Variants in HCAR1 observed in about 807,000 individuals in gnomAD.
HCAR1 encodes the protein G protein-coupled receptor 104.
For synonymous variants in HCAR1, 183 were observed against 182.1 expected, an observed-to-expected ratio of 1.01 and a Z score of -0.04; for missense variants, 445 against 448.7, an observed-to-expected ratio of 0.99 and a Z score of 0.07.
Position 122,726,963 on chromosome 12 carries a change from A to C in HCAR1, c.*2336T>G, listed in dbSNP as rs1227153327. 1 of 149,764 alleles carries C rather than the reference A, an allele frequency of 6.7e-6. No homozygotes were observed. The highest frequency in any genetic ancestry group is 1.5e-5 in the Non-Finnish European group (1 of 67,612). The allele number at this position is 149,764 out of a possible 1,614,324, so 9.3% of individuals were successfully genotyped here. ...TATATAGATAGATAGATATCTATATATCTCTATATATATCTATATATATGC... is the reference window on the plus strand; with the variant it reads ...TATATAGATAGATAGATATCTATATCTCTCTATATATATCTATATATATGC... On this transcript the variant is annotated 3_prime_UTR_variant, in exon 1 of 1. Transcript: ENST00000432564.
In HCAR1 at chr12:122,727,520, T is replaced by C. The variant is rs1045793301; in HGVS notation, c.*1779A>G. ...TTCACTCCTGTGGCCCAGTCTGGAG[T>C]GCAATGGCACGATGTCACCTCACCG... On this transcript the variant is annotated 3_prime_UTR_variant, in exon 1 of 1. Transcript: ENST00000432564. 1 of 151,206 alleles carries C rather than the reference T, an allele frequency of 6.6e-6. No homozygotes were observed. The highest frequency in any genetic ancestry group is 2.4e-5 in the African/African-American group (1 of 41,032). The allele number at this position is 151,206 out of a possible 1,614,324, so 9.4% of individuals were successfully genotyped here. A position where few individuals can be genotyped will look rare whatever the true frequency, so the allele number is the denominator to read the frequency against.
rs1448244653 is a variant in HCAR1 at position 122,726,762 on chromosome 12, A to G, written c.*2537T>C. 6.6e-6 allele frequency: 1 copy of G among 151,966 alleles called. No homozygotes were observed. Among genetic ancestry groups the G allele is most frequent in the African/African-American group, 2.4e-5 (1 of 41,358 alleles). The allele number at this position is 151,966 out of a possible 1,614,324, so 9.4% of individuals were successfully genotyped here. ...CCCGTCTGTACTAAAAATACAAAAA[A>G]TTAGCCGGGCGTGGTGGTGGGGCGC... On this transcript the variant is annotated 3_prime_UTR_variant, in exon 1 of 1. Coordinates refer to ENST00000432564, the MANE Select transcript of HCAR1 (RefSeq NM_032554.4).
Position 122,729,073 on chromosome 12 carries a change from G to C in HCAR1, c.*226C>G. 1.7e-6 allele frequency: 1 copy of C among 575,142 alleles called. No individual in the cohort carries two copies. Among genetic ancestry groups the C allele is most frequent in the Non-Finnish European group, 3.1e-6 (1 of 322,588 alleles). 35.6% of individuals were successfully genotyped at this position (575,142 alleles called of 1,614,324 possible). On this transcript the variant is annotated 3_prime_UTR_variant, in exon 1 of 1. Coordinates refer to ENST00000432564, the MANE Select transcript of HCAR1 (RefSeq NM_032554.4). Reference sequence around the variant, plus strand: ...TGCACATTCTGTCCCCTGCCATTGTGATCAGATAAGAAAATGCAGCCAACT... The same window carrying C: ...TGCACATTCTGTCCCCTGCCATTGTCATCAGATAAGAAAATGCAGCCAACT...
Position 122,729,228 on chromosome 12 carries a change from C to A in HCAR1, c.*71G>T, listed in dbSNP as rs878901117. On this transcript the variant is annotated 3_prime_UTR_variant, in exon 1 of 1. Transcript: ENST00000432564. ...AGAAAGGGGGGTGGCATTTTCAAAG[C>A]CCCCGACCCCTTAGCACGAGTTAAT... 3.5e-6 allele frequency: 5 copies of A among 1,444,470 alleles called. No homozygotes were observed. In the African/African-American group the frequency reaches 7.0e-5, roughly 20 times the overall value. 89.5% of individuals were successfully genotyped at this position (1,444,470 alleles called of 1,614,324 possible).
At position 122,730,307 on chromosome 12, in the gene HCAR1, C is replaced by A; in HGVS notation, c.33G>T (p.Gly11=). 1.3e-6 allele frequency: 2 copies of A among 1,592,812 alleles called. No individual in the cohort carries two copies. Among genetic ancestry groups the A allele is most frequent in the South Asian group, 1.1e-5 (1 of 89,088 alleles). MYNGSCCRIE[G]DTISQVMPPL... is the part of the protein sequence containing the mutation. ...GCGGCATCACCTGGGAGATGGTGTC[C>A]CCCTCGATGCGGCAGCACGACCCGT... The change falls in exon 1 of 1, where the codon GGG becomes GGT. Residue 11 remains glycine, a synonymous_variant. Coordinates refer to ENST00000432564, the MANE Select transcript of HCAR1 (RefSeq NM_032554.4).
In HCAR1 at chr12:122,727,017, A is replaced by G. The variant is rs777562553; in HGVS notation, c.*2282T>C. On this transcript the variant is annotated 3_prime_UTR_variant, in exon 1 of 1. Coordinates refer to ENST00000432564, the MANE Select transcript of HCAR1 (RefSeq NM_032554.4). ...GCTGGGAGCAGTGGCTCATGCTGGC[A>G]ATCGCAATACTTTGGGAGGCCAAGG... is the stretch of plus-strand genomic sequence containing the variant. 6.6e-6 allele frequency: 1 copy of G among 151,864 alleles called. No homozygotes were observed. Among genetic ancestry groups the G allele is most frequent in the Non-Finnish European group, 1.5e-5 (1 of 68,026 alleles). The allele number at this position is 151,864 out of a possible 1,614,324, so 9.4% of individuals were successfully genotyped here. A position where few individuals can be genotyped will look rare whatever the true frequency, so the allele number is the denominator to read the frequency against.
rs1335328927 is a variant in HCAR1, at chr12:122,729,776, G to A, written c.564C>T (p.Pro188=). 1.2e-6 allele frequency: 2 copies of A among 1,611,596 alleles called. No homozygotes were observed. Among genetic ancestry groups the A allele is most frequent in the South Asian group, 1.1e-5 (1 of 91,072 alleles). The change falls in exon 1 of 1, where the codon CCC becomes CCT. Residue 188 remains proline, a synonymous_variant. Coordinates refer to ENST00000432564, the MANE Select transcript of HCAR1 (RefSeq NM_032554.4). ...DIMFQLEFFM[P]LGIILFCSFK... is the part of the protein sequence containing the mutation. ...AGGAGCAAAATAAGATGATGCCGAG[G>A]GGCATAAAGAACTCCAGCTGGAACA...
chr12:122,729,253 T>C lies in HCAR1; in HGVS notation c.*46A>G. 1.3e-6 allele frequency: 2 copies of C among 1,574,050 alleles called. No individual in the cohort carries two copies. Among genetic ancestry groups the C allele is most frequent in the Non-Finnish European group, 1.7e-6 (2 of 1,153,118 alleles). ...CCCCCGACCCCTTAGCACGAGTTAA[T>C]TCTAAGTCACCACTCTATCTTCCTC... On this transcript the variant is annotated 3_prime_UTR_variant, in exon 1 of 1. Transcript: ENST00000432564.
At position 122,729,778 on chromosome 12, in the gene HCAR1, G is replaced by A. The variant is rs1408782535; in HGVS notation, c.562C>T (p.Pro188Ser). Residue 188 changes from proline (P) to serine (S), a missense_variant, in exon 1 of 1, where the codon CCC becomes TCC. Coordinates refer to ENST00000432564, the MANE Select transcript of HCAR1 (RefSeq NM_032554.4). ...GAGCAAAATAAGATGATGCCGAGGGGCATAAAGAACTCCAGCTGGAACATG... is the reference window on the plus strand; with the variant it reads ...GAGCAAAATAAGATGATGCCGAGGGACATAAAGAACTCCAGCTGGAACATG... ...DIMFQLEFFM[P>S]LGIILFCSFK... 8 of 1,611,138 alleles carry A rather than the reference G, an allele frequency of 5.0e-6. No homozygotes were observed. The highest frequency in any genetic ancestry group is 2.2e-5 in the South Asian group (2 of 91,084).
In HCAR1 at chr12:122,730,127, C is replaced by T; in HGVS notation, c.213G>A (p.Arg71=). The T allele has an allele frequency of 6.2e-7, 1 of 1,614,032 alleles. No individual in the cohort carries two copies. The highest frequency in any genetic ancestry group is 1.1e-5 in the South Asian group (1 of 91,068). ...DFLLMICLPF[R]TDYYLRRRHW... is the part of the protein sequence containing the mutation. Reference sequence around the variant, plus strand: ...GTCTACGTCTGAGGTAATAGTCTGTCCGAAAAGGCAGGCAGATCATAAGGA... The same window carrying T: ...GTCTACGTCTGAGGTAATAGTCTGTTCGAAAAGGCAGGCAGATCATAAGGA... Residue 71 remains arginine (R), a synonymous_variant, in exon 1 of 1, where the codon CGG becomes CGA. Transcript: ENST00000432564.
rs1270641726 is a variant in HCAR1, at chr12:122,729,282, G to T, written c.*17C>A. The T allele has an allele frequency of 1.2e-6, 2 of 1,607,006 alleles. No individual in the cohort carries two copies. The highest frequency in any genetic ancestry group is 8.5e-7 in the Non-Finnish European group (1 of 1,174,992). On this transcript the variant is annotated 3_prime_UTR_variant, in exon 1 of 1. Transcript: ENST00000432564. Reference sequence around the variant, plus strand: ...AAGTCACCACTCTATCTTCCTCAGTGTTGTTGGTCTGCTTGTTCAGTGCCA... The same window carrying T: ...AAGTCACCACTCTATCTTCCTCAGTTTTGTTGGTCTGCTTGTTCAGTGCCA...
Position 122,729,641 on chromosome 12 carries a change from G to T in HCAR1, c.699C>A (p.Tyr233Ter), listed in dbSNP as rs1370292081. ...AGAGTCTAGCAGACACGCTGGGCAGGTAGCATGTGATGAACACAATTGCCA... is the reference window on the plus strand; with the variant it reads ...AGAGTCTAGCAGACACGCTGGGCAGTTAGCATGTGATGAACACAATTGCCA... ...MVVAIVFITC[Y>*]LPSVSARLYF... is the part of the protein sequence containing the mutation. The change falls in exon 1 of 1, where the codon TAC becomes TAA. Residue 233 changes from tyrosine (Y) to a stop codon, truncating the protein, a stop_gained. Coordinates refer to ENST00000432564, the MANE Select transcript of HCAR1 (RefSeq NM_032554.4). LOFTEE classifies it low-confidence loss of function (END_TRUNC). The T allele has an allele frequency of 6.2e-7, 1 of 1,614,016 alleles. No homozygotes were observed. The highest frequency in any genetic ancestry group is 8.5e-7 in the Non-Finnish European group (1 of 1,180,022).
Position 122,730,108 on chromosome 12 carries a change from G to T in HCAR1, c.232C>A (p.Arg78Ser), listed in dbSNP as rs147063870. ...ATGTCCCCAAAAGCCCAGTGTCTACGTCTGAGGTAATAGTCTGTCCGAAAA... is the reference window on the plus strand; with the variant it reads ...ATGTCCCCAAAAGCCCAGTGTCTACTTCTGAGGTAATAGTCTGTCCGAAAA... ...LPFRTDYYLR[R>S]RHWAFGDIPC... Residue 78 changes from arginine to serine, a missense_variant, in exon 1 of 1, where the codon CGT becomes AGT. Physicochemically the swap from Arg to Ser is moderately radical, Grantham distance 110. Coordinates refer to ENST00000432564, the MANE Select transcript of HCAR1 (RefSeq NM_032554.4). The T allele has an allele frequency of 1.9e-4, 311 of 1,614,142 alleles. 1 individual carries two copies. The African/African-American group carries it at 3.8e-3, about 20-fold the overall frequency.
At position 122,730,429 on chromosome 12, in the gene HCAR1, A is replaced by T; in HGVS notation, c.-90T>A. On this transcript the variant is annotated 5_prime_UTR_variant, in exon 1 of 1. Transcript: ENST00000432564. ...CTTATCTGAGCGTTAGCACTCACCC[A>T]GCTGCTGCGTGTCTGACTTCATCAC... 1 of 1,026,970 alleles carries T rather than the reference A, an allele frequency of 9.7e-7. No individual in the cohort carries two copies. The highest frequency in any genetic ancestry group is 1.4e-6 in the Non-Finnish European group (1 of 719,890). The allele number at this position is 1,026,970 out of a possible 1,614,324, so 63.6% of individuals were successfully genotyped here.
rs1877925989 is a variant in HCAR1, at chr12:122,730,626, G to A, written c.-287C>T. 1 of 361,572 alleles carries A rather than the reference G, an allele frequency of 2.8e-6. No individual in the cohort carries two copies. Among genetic ancestry groups the A allele is most frequent in the East Asian group, 4.6e-5 (1 of 21,540 alleles). 22.4% of individuals were successfully genotyped at this position (361,572 alleles called of 1,614,324 possible). A position where few individuals can be genotyped will look rare whatever the true frequency, so the allele number is the denominator to read the frequency against. The stretch of plus-strand genomic sequence containing the variant: ...AGCCGGATGAAGCTTGGAAATGCAT[G>A]CAATTTTGCAAAAGTGGTCATTTCT... On this transcript the variant is annotated 5_prime_UTR_variant, in exon 1 of 1. Transcript: ENST00000432564.
At position 122,730,674 on chromosome 12, in the gene HCAR1, T is replaced by C. The variant is rs962909247; in HGVS notation, c.-335A>G. 2.5e-5 allele frequency: 6 copies of C among 242,856 alleles called. No individual in the cohort carries two copies. The highest frequency in any genetic ancestry group is 4.0e-5 in the Non-Finnish European group (5 of 123,778). 15.0% of individuals were successfully genotyped at this position (242,856 alleles called of 1,614,324 possible). A position where few individuals can be genotyped will look rare whatever the true frequency, so the allele number is the denominator to read the frequency against. On this transcript the variant is annotated 5_prime_UTR_variant, in exon 1 of 1. Transcript: ENST00000432564. ...TCTGAGAGGCGGTAGGGTGGGGGGG[T>C]CCGATGAGATTGATGCCGTAGAGGA...
At position 122,729,342 on chromosome 12, in the gene HCAR1, T is replaced by C. The variant is rs1877871254; in HGVS notation, c.998A>G (p.Gln333Arg). The C allele has an allele frequency of 6.2e-7, 1 of 1,614,166 alleles. No homozygotes were observed. Among genetic ancestry groups the C allele is most frequent in the East Asian group, 2.2e-5 (1 of 44,870 alleles). Residue 333 changes from glutamine (Q) to arginine (R), a missense_variant, in exon 1 of 1, where the codon CAG becomes CGG. Physicochemically the swap from Gln to Arg is conservative, Grantham distance 43. Coordinates refer to ENST00000432564, the MANE Select transcript of HCAR1 (RefSeq NM_032554.4). Reference sequence around the variant, plus strand: ...GTGGGGATCCCATTGCCCATCAGACTGGCTTTGGAAACTATTTGCCACACT... The same window carrying C: ...GTGGGGATCCCATTGCCCATCAGACCGGCTTTGGAAACTATTTGCCACACT... ...CISVANSFQS[Q>R]SDGQWDPHIV...
chr12:122,730,549 T>C lies in HCAR1; in HGVS notation c.-210A>G. The stretch of plus-strand genomic sequence containing the variant: ...AAATGAGAGACCCAGGGAGGTCCTT[T>C]CTCTGGAGCCCGTCTCACAAGCCGC... On this transcript the variant is annotated 5_prime_UTR_variant, in exon 1 of 1. Coordinates refer to ENST00000432564, the MANE Select transcript of HCAR1 (RefSeq NM_032554.4). 2 of 443,846 alleles carry C rather than the reference T, an allele frequency of 4.5e-6. No individual in the cohort carries two copies. The highest frequency in any genetic ancestry group is 8.2e-6 in the Non-Finnish European group (2 of 244,348). 27.5% of individuals were successfully genotyped at this position (443,846 alleles called of 1,614,324 possible).
Position 122,729,242 on chromosome 12 carries a change from G to C in HCAR1, c.*57C>G. On this transcript the variant is annotated 3_prime_UTR_variant, in exon 1 of 1. Transcript: ENST00000432564. ...CATTTTCAAAGCCCCCGACCCCTTA[G>C]CACGAGTTAATTCTAAGTCACCACT... 2.6e-6 allele frequency: 4 copies of C among 1,538,832 alleles called. No homozygotes were observed. The highest frequency in any genetic ancestry group is 3.6e-6 in the Non-Finnish European group (4 of 1,126,148).
Sources: allele counts gnomAD v4.1 joint callset, GRCh38; gene constraint gnomAD v4.1.1; transcripts MANE v1.5; gene names NCBI Gene and HGNC (gene_info 2026-07-23, HGNC 2026-07-21).